BCAS3: variants seen among roughly 807,000 people sequenced by gnomAD.
BCAS3 encodes BCAS3 microtubule associated cell migration factor.
In BCAS3, 53 loss-of-function variants were observed where a neutral mutation model predicts 116.1. That is an observed-to-expected ratio of 0.46 (90% confidence interval 0.37 to 0.57). BCAS3 has a LOEUF of 0.57. Among genes scored for constraint, BCAS3 ranks in the 20% least tolerant of loss-of-function variants. The probability of loss-of-function intolerance (pLI) is 0.00; values close to 1 mark genes in which losing one functional copy is unlikely to be tolerated. For missense variants in BCAS3, 917 were observed against 1,165.4 expected (o/e 0.79, Z 3.10); for synonymous variants, 391 against 408.2 (o/e 0.96, Z 0.51).
chr17:60,698,123 G>C (rs1437590982), intron 4 of BCAS3, among the ~76,000 whole-genome samples: 1 of 147,592 alleles, frequency 6.8e-6, no homozygotes, highest in Non-Finnish European at 1.5e-5. Context: ...AGCTTGCAGT[G>C]AGCTGAGCCG....
At chr17:61,210,813 G>A (rs764151918) in intron 22 of BCAS3, among the ~76,000 whole-genome samples, 1 of 152,192 alleles carries the variant, frequency 6.6e-6, no homozygotes, top group African/African-American at 2.4e-5. Context: ...CAGTTGTGCT[G>A]CAGACAGACA....
At chr17:61,055,922 G>T (rs559447033) in intron 19 of BCAS3, among the ~76,000 whole-genome samples, 1 of 152,294 alleles carries the variant, frequency 6.6e-6, no homozygotes, top group South Asian at 2.1e-4. Context: ...AGTGAATGGA[G>T]AGAGTTACCG....
rs2057727592 is a variant in BCAS3 at position 61,349,893 on chromosome 17, G to GTGTGAAATTGCAAATT, written c.2426-18424_2426-18409dup. On this transcript the variant is annotated intron_variant, in intron 22 of 23. Transcript: ENST00000407086. The surrounding 1 kb of genome is among the most constrained non-coding windows in gnomAD (Gnocchi z 4.7). ...GCAGTTCAGAAGGCCAGTGCCCTTT[G>GTGTGAAATTGCAAATT]TGTGAAATTGCAAATTTGTGAAATT... 6.6e-6 allele frequency among the ~76,000 whole-genome samples: 1 copy of GTGTGAAATTGCAAATT among 152,228 alleles called. No individual in the cohort carries two copies. The highest frequency in any genetic ancestry group is 2.1e-4 in the South Asian group (1 of 4,834).
intron 4 of BCAS3, among the ~76,000 whole-genome samples, chr17:60,707,446 T>C (rs989733933): frequency 2.0e-5 from 3 of 152,010 alleles, no homozygotes; most frequent in Non-Finnish European, 2.9e-5. Context: ...GGATGGGGGG[T>C]ACTTAGCACC....
Position 61,388,984 on chromosome 17 carries a change from TCA to T in BCAS3, c.2594-2992_2594-2991del. 1 of 410,996 alleles carries T rather than the reference TCA, an allele frequency of 2.4e-6. No homozygotes were observed. The highest frequency in any genetic ancestry group is 4.4e-6 in the Non-Finnish European group (1 of 229,802). The allele number at this position is 410,996 out of a possible 1,614,324, so 25.5% of individuals were successfully genotyped here. A position where few individuals can be genotyped will look rare whatever the true frequency, so the allele number is the denominator to read the frequency against. On this transcript the variant is annotated intron_variant, in intron 23 of 23. Transcript: ENST00000407086. The surrounding 1 kb of genome is among the most constrained non-coding windows in gnomAD (Gnocchi z 6.5). ...ATCATTCATTCATTCATTCATTCAT[TCA>T]TTCATTCATTCATTCATGCTAGAAA...
chr17:61,158,048 C>CT (rs564491776), intron 22 of BCAS3, among the ~76,000 whole-genome samples: 5 of 152,064 alleles, frequency 3.3e-5, no homozygotes, highest in Non-Finnish European at 5.9e-5. Flanking sequence ...ATATGCAACT[C>CT]TTTTTTTTAT....
At chr17:60,711,279 C>T (rs1330999270) in intron 5 of BCAS3, among the ~76,000 whole-genome samples, 1 of 151,634 alleles carries the variant, frequency 6.6e-6, no homozygotes, top group African/African-American at 2.4e-5. Context: ...CAAGGTCCCT[C>T]AATGTTCTTT....
In BCAS3 at chr17:60,889,720, C is replaced by T; in HGVS notation, c.687C>T (p.Asn229=). The change falls in exon 10 of 24, where the codon AAC becomes AAT. Residue 229 remains asparagine (N), a synonymous_variant. Coordinates refer to ENST00000407086, the MANE Select transcript of BCAS3 (RefSeq NM_017679.5). ...VTSCYPCPGP[N]MNPIALGSRW... ...GCTGCTATCCATGTCCAGGGCCAAA[C>T]ATGAATCCTATTGCTCTTGGGAGCC... is the stretch of plus-strand genomic sequence containing the variant. 6.2e-7 allele frequency: 1 copy of T among 1,613,342 alleles called. No homozygotes were observed. The highest frequency in any genetic ancestry group is 8.5e-7 in the Non-Finnish European group (1 of 1,179,928).
In BCAS3 at chr17:61,028,114, C is replaced by T. The variant is rs1242716774; in HGVS notation, c.1638-6552C>T. Among the ~76,000 whole-genome samples the T allele has an allele frequency of 4.0e-5, 6 of 151,826 alleles. No individual in the cohort carries two copies. In the South Asian group the frequency reaches 8.3e-4, roughly 21 times the overall value. ...ATTACACTAGAAAAAAACATTCCAA[C>T]GTTTTTTCCTCTTGGACAGAAAGAA... On this transcript the variant is annotated intron_variant, in intron 16 of 23. Transcript: ENST00000407086. This position sits in a 1 kb window ranked among gnomAD's most constrained non-coding sequence, Gnocchi z 4.3.
chr17:61,270,112 AT>A (rs1202865412), intron 22 of BCAS3, among the ~76,000 whole-genome samples: 2,517 of 68,852 alleles, frequency 0.037, 36 homozygotes, highest in African/African-American at 0.12. Flanking sequence ...GCCTTCTGCC[AT>A]TTTTTTTTTT....
At position 60,970,445 on chromosome 17, in the gene BCAS3, A is replaced by G. The variant is rs575994161; in HGVS notation, c.1222-19526A>G. Among the ~76,000 whole-genome samples the G allele has an allele frequency of 8.5e-5, 13 of 152,322 alleles. 1 individual carries two copies. In the South Asian group the frequency reaches 2.7e-3, roughly 32 times the overall value. ...CAATATAAAGGAAGAAATTGCCTAT[A>G]AGGTAGTGTTGAATATAGAGACATT... On this transcript the variant is annotated intron_variant, in intron 14 of 23. Transcript: ENST00000407086.
rs540887387 is a variant in BCAS3 at position 61,094,699 on chromosome 17, C to T, written c.2425+10135C>T. On this transcript the variant is annotated intron_variant, in intron 22 of 23. Coordinates refer to ENST00000407086, the MANE Select transcript of BCAS3 (RefSeq NM_017679.5). ...GTCTCTACTAAATACAAAAAATTAG[C>T]TGGGTGTGGTGGTGCATGCTTGTAA... 2.6e-5 allele frequency among the ~76,000 whole-genome samples: 4 copies of T among 152,244 alleles called. No individual in the cohort carries two copies. In the East Asian group the frequency reaches 7.7e-4, roughly 29 times the overall value.
intron 14 of BCAS3, among the ~76,000 whole-genome samples, chr17:60,968,922 C>A (rs2061802724): frequency 6.6e-6 from 1 of 151,990 alleles, no homozygotes; most frequent in Non-Finnish European, 1.5e-5. Context: ...AGTTTTCCTG[C>A]CAGAGCACCC....
intron 22 of BCAS3, chr17:61,357,072 TTTTC>T (rs1171419036): frequency 1.7e-4 from 26 of 151,554 alleles, no homozygotes; most frequent in Admixed American, 1.1e-3. Flanking sequence ...TCTCTCGACT[TTTTC>T]TTTCTTTCTT....
rs1429112004 is a variant in BCAS3 at position 60,967,932 on chromosome 17, A to G, written c.1221+20580A>G. ...GTTAAATTTCTCTGATAAATTTCTGAATTGCTTTTCTGTGTGTTTGTTGTT... is the reference window on the plus strand; with the variant it reads ...GTTAAATTTCTCTGATAAATTTCTGGATTGCTTTTCTGTGTGTTTGTTGTT... On this transcript the variant is annotated intron_variant, in intron 14 of 23. Coordinates refer to ENST00000407086, the MANE Select transcript of BCAS3 (RefSeq NM_017679.5). The surrounding 1 kb of genome is among the most constrained non-coding windows in gnomAD (Gnocchi z 4.7). Among the ~76,000 whole-genome samples the G allele has an allele frequency of 6.7e-6, 1 of 148,868 alleles. No individual in the cohort carries two copies. The highest frequency in any genetic ancestry group is 1.5e-5 in the Non-Finnish European group (1 of 67,978).
intron 13 of BCAS3, among the ~76,000 whole-genome samples, chr17:60,943,418 A>G (rs2060324072): frequency 6.6e-6 from 1 of 152,144 alleles, no homozygotes; most frequent in African/African-American, 2.4e-5. Context: ...GTACCAATCA[A>G]AACAAAGTTG....
chr17:60,739,714 A>G (rs1488854898), intron 5 of BCAS3, among the ~76,000 whole-genome samples: 1 of 152,070 alleles, frequency 6.6e-6, no homozygotes, highest in Non-Finnish European at 1.5e-5. Context: ...TTTCTGACCT[A>G]TATTGTTACC....
chr17:61,179,847 A>G lies in BCAS3; in HGVS notation c.2425+95283A>G, dbSNP rs546337729. Among the ~76,000 whole-genome samples, 6 of 151,458 alleles carry G rather than the reference A, an allele frequency of 4.0e-5. No individual in the cohort carries two copies. The South Asian group carries it at 1.0e-3, about 26-fold the overall frequency. ...GTCCTTACTAGAAAACTACTGGTAAAATATCACTGTTTTTCTCTCTCTCTC... is the reference window on the plus strand; with the variant it reads ...GTCCTTACTAGAAAACTACTGGTAAGATATCACTGTTTTTCTCTCTCTCTC... On this transcript the variant is annotated intron_variant, in intron 22 of 23. Transcript: ENST00000407086.
chr17:60,941,583 G>A (rs771788419), intron 13 of BCAS3, among the ~76,000 whole-genome samples: 54 of 152,154 alleles, frequency 3.5e-4, no homozygotes, highest in Non-Finnish European at 7.1e-4. Flanking sequence ...TGTGAAAAAA[G>A]TAAACTTACT....
Sources: allele counts gnomAD v4.1 joint callset (sites outside exome capture counted in the v4.1 genomes callset), GRCh38; gene constraint gnomAD v4.1.1; non-coding constraint Gnocchi (gnomAD v3.1); transcripts MANE v1.5; gene names NCBI Gene and HGNC (gene_info 2026-07-23, HGNC 2026-07-21).